CEP170: variants seen among roughly 807,000 people sequenced by gnomAD.
CEP170 encodes the protein centrosomal protein of 170 kDa.
A neutral mutation model predicts 151.9 loss-of-function variants in CEP170; 21 were observed. That is an observed-to-expected ratio of 0.14 (90% confidence interval 0.10 to 0.20). The LOEUF (loss-of-function observed/expected upper bound fraction) is 0.20, where lower values mean the gene tolerates loss of function less well. CEP170 is among the 10% of genes least tolerant of loss of function. The pLI, the probability that CEP170 is intolerant of heterozygous loss-of-function variation, is 1.00. For synonymous variants in CEP170, 356 were observed against 648.8 expected (o/e 0.55, Z 6.86); for missense variants, 964 against 1,892.9 (o/e 0.51, Z 9.11).
At chr1:243,219,544 A>T (rs1208716422) in intron 3 of CEP170, among the ~76,000 whole-genome samples, 2 of 152,226 alleles carry the variant, frequency 1.3e-5, no homozygotes, top group Non-Finnish European at 2.9e-5. Context: ...TCACCTGATT[A>T]TTTTTGGAAC....
At chr1:243,248,141 C>T (rs1205860321) in intron 1 of CEP170, among the ~76,000 whole-genome samples, 1 of 152,084 alleles carries the variant, frequency 6.6e-6, no homozygotes, top group Non-Finnish European at 1.5e-5. Context: ...TGTTGATAAA[C>T]CAGATTTAAA....
At chr1:243,239,002 C>G (rs1378359179) in intron 1 of CEP170, among the ~76,000 whole-genome samples, 1 of 152,174 alleles carries the variant, frequency 6.6e-6, no homozygotes, top group Non-Finnish European at 1.5e-5. Context: ...GGGGTTACTT[C>G]CCTATACATA....
intron 11 of CEP170, among the ~76,000 whole-genome samples, chr1:243,172,077 A>G (rs1263566363): frequency 1.3e-5 from 2 of 152,162 alleles, no homozygotes; most frequent in Non-Finnish European, 2.9e-5. Context: ...ATATACTTCT[A>G]AGAAAGTATA....
rs995724222 is a variant in CEP170 at position 243,221,765 on chromosome 1, T to C, written c.154A>G (p.Thr52Ala). ...AAATCCTTCACTAAATGCTCATCCG[T>C]AGACGCATCATAGTTGATGACAGCG... ...QHAVINYDAS[T>A]DEHLVKDLGS... The change falls in exon 3 of 20, where the codon ACG becomes GCG. Residue 52 changes from threonine to alanine, a missense_variant. Physicochemically the swap from Thr to Ala is moderately conservative, Grantham distance 58. Coordinates refer to ENST00000366542, the MANE Select transcript of CEP170 (RefSeq NM_014812.3). 2.9e-5 allele frequency: 46 copies of C among 1,613,186 alleles called. No homozygotes were observed. Among genetic ancestry groups the C allele is most frequent in the East Asian group, 4.5e-5 (2 of 44,836 alleles).
chr1:243,214,876 T>C (rs1022104345), intron 3 of CEP170, among the ~76,000 whole-genome samples: 1 of 152,236 alleles, frequency 6.6e-6, no homozygotes, highest in African/African-American at 2.4e-5. Flanking sequence ...ATTACCCTTT[T>C]ATTTTTACTT....
At chr1:243,168,972 A>G (rs996769429) in intron 12 of CEP170, among the ~76,000 whole-genome samples, 5 of 144,154 alleles carry the variant, frequency 3.5e-5, no homozygotes, top group Non-Finnish European at 7.6e-5. Context: ...ACCTGTCTTC[A>G]GCTTATTTTT....
intron 1 of CEP170, among the ~76,000 whole-genome samples, chr1:243,245,389 A>G (rs941608143): frequency 1.3e-5 from 2 of 152,020 alleles, no homozygotes; most frequent in African/African-American, 4.8e-5. Context: ...AGACCAGCCT[A>G]GGGAACAAAA....
At chr1:243,214,280 G>T (rs1181935460) in intron 3 of CEP170, among the ~76,000 whole-genome samples, 22 of 100,516 alleles carry the variant, frequency 2.2e-4, no homozygotes, top group South Asian at 6.9e-4. Context: ...AAGCTGTAAA[G>T]TTTTTTTTTT....
At chr1:243,209,098 C>T (rs1242620809) in intron 4 of CEP170, among the ~76,000 whole-genome samples, 1 of 152,142 alleles carries the variant, frequency 6.6e-6, no homozygotes, top group Admixed American at 6.5e-5. Flanking sequence ...CTTATTTCTC[C>T]AGTTACAAAA....
intron 13 of CEP170, among the ~76,000 whole-genome samples, chr1:243,160,172 T>C (rs1252044984): frequency 2.0e-5 from 3 of 152,216 alleles, no homozygotes; most frequent in Admixed American, 6.5e-5. Flanking sequence ...AAAATTTATT[T>C]CTTTCTCTTG....
At chr1:243,235,980 T>C (rs1271608749) in intron 1 of CEP170, among the ~76,000 whole-genome samples, 1 of 152,234 alleles carries the variant, frequency 6.6e-6, no homozygotes, top group Non-Finnish European at 1.5e-5. Flanking sequence ...TTGTTTGCTT[T>C]TGTAGAACTG....
chr1:243,160,989 A>G (rs964238353), intron 13 of CEP170, among the ~76,000 whole-genome samples: 3 of 151,584 alleles, frequency 2.0e-5, no homozygotes, highest in African/African-American at 7.3e-5. Flanking sequence ...TATCTTGCCA[A>G]AATAAATCTG....
chr1:243,190,701 G>A (rs1027544177), intron 8 of CEP170, among the ~76,000 whole-genome samples: 3 of 152,094 alleles, frequency 2.0e-5, no homozygotes, highest in African/African-American at 2.4e-5. Context: ...GAAAATGATG[G>A]AACTCATCTT....
Position 243,178,929 on chromosome 1 carries a change from A to T in CEP170, c.1567-6083T>A, listed in dbSNP as rs544833528. Among the ~76,000 whole-genome samples, 7 of 152,248 alleles carry T rather than the reference A, an allele frequency of 4.6e-5. No individual in the cohort carries two copies. In the South Asian group the frequency reaches 8.3e-4, roughly 18 times the overall value. On this transcript the variant is annotated intron_variant, in intron 10 of 19. Coordinates refer to ENST00000366542, the MANE Select transcript of CEP170 (RefSeq NM_014812.3). ...GAGAGGGGGTTTCACCGTGTTAGCC[A>T]GGATGGTGTCAATCTCCTGACCTCG...
Position 243,225,337 on chromosome 1 carries a change from A to G in CEP170, c.-41-16T>C. 9.4e-7 allele frequency: 1 copy of G among 1,068,546 alleles called. No homozygotes were observed. The highest frequency in any genetic ancestry group is 1.3e-6 in the Non-Finnish European group (1 of 749,492). 66.2% of individuals were successfully genotyped at this position (1,068,546 alleles called of 1,614,324 possible). A position where few individuals can be genotyped will look rare whatever the true frequency, so the allele number is the denominator to read the frequency against. On this transcript the variant is annotated splice_polypyrimidine_tract_variant and intron_variant, in intron 1 of 19. Coordinates refer to ENST00000366542, the MANE Select transcript of CEP170 (RefSeq NM_014812.3). ...CTACGTCATCCTGAAGAGAAACATG[A>G]AGAAAAATATACGTTCAGATATTTT...
At chr1:243,203,577 A>G (rs1426024129) in intron 4 of CEP170, among the ~76,000 whole-genome samples, 2 of 152,230 alleles carry the variant, frequency 1.3e-5, no homozygotes, top group Non-Finnish European at 2.9e-5. Context: ...CTGTAAACAT[A>G]TCTTTCAAAA....
chr1:243,151,605 T>C (rs986022258), intron 14 of CEP170, among the ~76,000 whole-genome samples: 2 of 152,272 alleles, frequency 1.3e-5, no homozygotes, highest in African/African-American at 4.8e-5. Context: ...GAAGAAAAGT[T>C]TGCAGAGGTT....
chr1:243,142,917 T>C (rs1371095040), intron 14 of CEP170, among the ~76,000 whole-genome samples: 1 of 152,250 alleles, frequency 6.6e-6, no homozygotes, highest in Non-Finnish European at 1.5e-5. Flanking sequence ...TTAGCAATAC[T>C]GGTGATTTTT....
At chr1:243,251,563 C>G (rs374636229) in intron 1 of CEP170, among the ~76,000 whole-genome samples, 1 of 152,062 alleles carries the variant, frequency 6.6e-6, no homozygotes, top group Non-Finnish European at 1.5e-5. Flanking sequence ...ACATAAACTT[C>G]CTGGCACCTA....
Sources: allele counts gnomAD v4.1 joint callset (sites outside exome capture counted in the v4.1 genomes callset), GRCh38; gene constraint gnomAD v4.1.1; transcripts MANE v1.5; gene names NCBI Gene and HGNC (gene_info 2026-07-23, HGNC 2026-07-21).